PCDHA5: variants seen among roughly 807,000 people sequenced by gnomAD.
PCDHA5 encodes the protein protocadherin alpha 5.
PCDHA5 carries 43 observed loss-of-function variants against 61.6 expected under a neutral mutation model. The observed-to-expected ratio is 0.70, with a 90% CI of 0.55 to 0.90. The LOEUF is 0.90. Ranked by LOEUF, PCDHA5 falls within the 40% of genes least tolerant of loss-of-function variation. The pLI is 0.00. For synonymous variants in PCDHA5, 627 were observed against 543.9 expected (o/e 1.15, Z -2.13); for missense variants, 1,298 against 1,222.7 (o/e 1.06, Z -0.92).
At chr5:140,857,920 G>A (rs2045011675) in intron 1 of PCDHA5, 2 of 1,597,818 alleles carry the variant, frequency 1.3e-6, no homozygotes, top group Non-Finnish European at 1.7e-6. Flanking sequence ...TTCGCGTGGG[G>A]CTGTACACGG....
At chr5:140,850,229 C>A (rs2150474580) in intron 1 of PCDHA5, 3 of 1,593,694 alleles carry the variant, frequency 1.9e-6, no homozygotes, top group African/African-American at 2.7e-5. Flanking sequence ...GCGCAGTGAG[C>A]GAGATGGTGC....
intron 3 of PCDHA5, among the ~76,000 whole-genome samples, chr5:141,001,514 C>A (rs2098022369): frequency 6.6e-6 from 1 of 152,210 alleles, no homozygotes; most frequent in Admixed American, 6.5e-5. Flanking sequence ...GCTTAGCTTT[C>A]TCCCTCTCTC....
At chr5:140,982,253 A>G (rs1209317234) in intron 2 of PCDHA5, 16 of 777,640 alleles carry the variant, frequency 2.1e-5, no homozygotes, top group Admixed American at 3.3e-5. Context: ...AAGATAGAAC[A>G]TGTGTGTTCC....
chr5:140,909,134 C>A (rs1337385284), intron 1 of PCDHA5, among the ~76,000 whole-genome samples: 3 of 152,140 alleles, frequency 2.0e-5, no homozygotes, highest in Non-Finnish European at 4.4e-5. Flanking sequence ...AGGTAATGAA[C>A]CAGTGTGATA....
chr5:140,967,966 G>A, intron 1 of PCDHA5: 1 of 1,614,214 alleles, frequency 6.2e-7, no homozygotes, highest in African/African-American at 1.3e-5. Context: ...ACCGGAAAGT[G>A]AGCCTGGGTC....
At chr5:140,965,312 C>G (rs543157988) in intron 1 of PCDHA5, among the ~76,000 whole-genome samples, 1 of 152,258 alleles carries the variant, frequency 6.6e-6, no homozygotes, top group East Asian at 1.9e-4. Context: ...TCTACCTTCT[C>G]TTTTACTGAA....
chr5:140,954,355 G>A (rs10054520), intron 1 of PCDHA5, among the ~76,000 whole-genome samples: 9 of 152,232 alleles, frequency 5.9e-5, no homozygotes, highest in African/African-American at 1.7e-4. Context: ...TTGAGGAATC[G>A]CCACACAGTC....
intron 1 of PCDHA5, chr5:140,877,636 C>T (rs1554169939): frequency 1.2e-6 from 2 of 1,613,640 alleles, no homozygotes; most frequent in Admixed American, 1.7e-5. Context: ...CACTGCGCTG[C>T]GTTGCTCAGC....
At chr5:140,845,489 T>C (rs1779894647) in intron 1 of PCDHA5, among the ~76,000 whole-genome samples, 1 of 149,700 alleles carries the variant, frequency 6.7e-6, no homozygotes, top group Non-Finnish European at 1.5e-5. Context: ...GCTTTCACAG[T>C]GAGAAAGTCT....
chr5:140,986,238 A>G (rs1358537911), intron 3 of PCDHA5, among the ~76,000 whole-genome samples: 1 of 152,152 alleles, frequency 6.6e-6, no homozygotes. Context: ...CCTCTGTGTG[A>G]GCAGACCCGG....
chr5:140,884,051 C>T (rs782045843), intron 1 of PCDHA5: 4 of 1,613,308 alleles, frequency 2.5e-6, no homozygotes, highest in Non-Finnish European at 2.5e-6. Context: ...GGCGAAGGTG[C>T]GCGCGGTGGA....
At position 140,931,440 on chromosome 5, in the gene PCDHA5, A is replaced by C. The variant is rs539915059; in HGVS notation, c.2353-47509A>C. Among the ~76,000 whole-genome samples the C allele has an allele frequency of 2.1e-5, 3 of 141,482 alleles. No individual in the cohort carries two copies. In the South Asian group the frequency reaches 6.9e-4, roughly 32 times the overall value. 92.8% of individuals were successfully genotyped at this position (141,482 alleles called of 152,430 possible). A position where few individuals can be genotyped will look rare whatever the true frequency, so the allele number is the denominator to read the frequency against. ...CTAGAAGTTAGAAGGAAAATTAGCT[A>C]TTTAAAAGGAAAAATATAGGAATGA... On this transcript the variant is annotated intron_variant, in intron 1 of 3. Transcript: ENST00000529859.
intron 1 of PCDHA5, chr5:140,830,021 C>T (rs782587732): frequency 1.9e-6 from 3 of 1,613,800 alleles, no homozygotes; most frequent in African/African-American, 2.7e-5. Context: ...GGACTCTCCG[C>T]GCCACCGGCT....
In PCDHA5 at chr5:140,859,254, G is replaced by C. The variant is rs1005222858; in HGVS notation, c.2352+35127G>C. 16 of 131,816 alleles carry C rather than the reference G, an allele frequency of 1.2e-4. 1 individual carries two copies. The highest frequency in any genetic ancestry group is 4.3e-4 in the African/African-American group (16 of 37,090). 8.2% of individuals were successfully genotyped at this position (131,816 alleles called of 1,614,324 possible). A position where few individuals can be genotyped will look rare whatever the true frequency, so the allele number is the denominator to read the frequency against. ...AGTCATGCTTATGTTTAATAATGAA[G>C]AGAATTTGAACACTTTTTACTTTTG... is the stretch of plus-strand genomic sequence containing the variant. On this transcript the variant is annotated intron_variant, in intron 1 of 3. Transcript: ENST00000529859.
chr5:140,883,668 A>G (rs782191858), intron 1 of PCDHA5: 16 of 1,613,456 alleles, frequency 9.9e-6, no homozygotes, highest in Non-Finnish European at 1.4e-5. Flanking sequence ...GTGAAGGAAA[A>G]CAATCCGCCG....
Position 140,822,398 on chromosome 5 carries a change from G to A in PCDHA5, c.623G>A (p.Arg208His), listed in dbSNP as rs2150116065. ...SLDREETQEH[R>H]LLVIATDGGK... ...GATAGAGAAGAAACACAAGAACACC[G>A]TTTATTAGTGATTGCAACTGATGGA... The change falls in exon 1 of 4, where the codon CGT becomes CAT. Residue 208 changes from arginine to histidine, a missense_variant. Transcript: ENST00000529859. 1.2e-6 allele frequency: 2 copies of A among 1,614,062 alleles called. No individual in the cohort carries two copies. The highest frequency in any genetic ancestry group is 2.2e-5 in the East Asian group (1 of 44,890).
chr5:140,861,442 G>A (rs251368), intron 1 of PCDHA5: 2 of 490,042 alleles, frequency 4.1e-6, no homozygotes, highest in African/African-American at 3.9e-5. Flanking sequence ...TCCAAAAGCC[G>A]CAGAAACCTT....
At chr5:140,924,911 TAAAATA>T (rs1563069196) in intron 1 of PCDHA5, among the ~76,000 whole-genome samples, 7 of 59,704 alleles carry the variant, frequency 1.2e-4, no homozygotes, top group Non-Finnish European at 2.5e-4. Flanking sequence ...AAAAATAAAA[TAAAATA>T]AAATAAAATA....
At chr5:140,937,238 C>T (rs1339814732) in intron 1 of PCDHA5, among the ~76,000 whole-genome samples, 1 of 151,920 alleles carries the variant, frequency 6.6e-6, no homozygotes, top group Admixed American at 6.6e-5. Flanking sequence ...GGGGTTTCAC[C>T]GTGTTAGCCA....
Sources: gnomAD v4.1 joint callset for allele counts (sites outside exome capture counted in the v4.1 genomes callset) on GRCh38, gnomAD v4.1.1 for gene constraint, MANE v1.5 for transcripts, NCBI Gene and HGNC (gene_info 2026-07-23, HGNC 2026-07-21) for gene names.